Variants in C10orf67 observed in about 807,000 individuals in gnomAD.
C10orf67 encodes the protein uncharacterized protein C10orf67, mitochondrial.
C10orf67 carries 60 observed loss-of-function variants against 35.6 expected under a neutral mutation model. That is an observed-to-expected ratio of 1.68 (90% CI 1.37 to 2.09). The LOEUF is 2.09. Ranked by LOEUF, C10orf67 falls within the 30% of genes most tolerant of loss-of-function variation. The pLI, the probability that C10orf67 is intolerant of heterozygous loss-of-function variation, is 0.00. For synonymous variants in C10orf67, 167 were observed against 115.8 expected, an observed-to-expected ratio of 1.44 and a Z score of -2.84; for missense variants, 474 against 330.2, an observed-to-expected ratio of 1.44 and a Z score of -3.38.
At chr10:23,287,415 C>T (rs1453227575) in intron 7 of C10orf67, among the ~76,000 whole-genome samples, 1 of 152,198 alleles carries the variant, frequency 6.6e-6, no homozygotes, top group Non-Finnish European at 1.5e-5. Flanking sequence ...GGAAAACTGG[C>T]TAGCCATATG....
intron 13 of C10orf67, among the ~76,000 whole-genome samples, chr10:23,225,766 A>G (rs149992694): frequency 9.9e-4 from 151 of 152,298 alleles, no homozygotes; most frequent in African/African-American, 3.5e-3. Context: ...TTCAAAAAAG[A>G]CAAAGCAGGC....
At position 23,223,807 on chromosome 10, in the gene C10orf67, G is replaced by T. The variant is rs916542929; in HGVS notation, c.1446C>A (p.Pro482=). Residue 482 remains proline (P), a synonymous_variant, in exon 14 of 16, where the codon CCC becomes CCA. Coordinates refer to ENST00000636213, the MANE Select transcript of C10orf67 (RefSeq NM_001371909.1). ...TGGTCGTTCTAGACTGCACTAATAAGGGTTTTACTTTCTGAAAGACACAAA... is the reference window on the plus strand; with the variant it reads ...TGGTCGTTCTAGACTGCACTAATAATGGTTTTACTTTCTGAAAGACACAAA... ...DTSFNYIKVK[P]LLVQSRTTMT... 7.0e-6 allele frequency: 5 copies of T among 715,164 alleles called. No homozygotes were observed. Among genetic ancestry groups the T allele is most frequent in the Non-Finnish European group, 7.8e-6 (3 of 384,894 alleles). The allele number at this position is 715,164 out of a possible 1,614,324, so 44.3% of individuals were successfully genotyped here.
chr10:23,287,671 C>T (rs529283081), intron 7 of C10orf67, among the ~76,000 whole-genome samples: 3 of 152,168 alleles, frequency 2.0e-5, no homozygotes, highest in Non-Finnish European at 4.4e-5. Context: ...AAACTATCAT[C>T]AGAGTGAACA....
chr10:23,299,911 G>T (rs1844015522), intron 5 of C10orf67, among the ~76,000 whole-genome samples: 1 of 151,810 alleles, frequency 6.6e-6, no homozygotes. Flanking sequence ...CCAGGATGTG[G>T]AGCTTGCAGT....
At chr10:23,230,654 G>T (rs1262248864) in intron 13 of C10orf67, among the ~76,000 whole-genome samples, 1 of 152,078 alleles carries the variant, frequency 6.6e-6, no homozygotes, top group Admixed American at 6.6e-5. Flanking sequence ...GAAACCTGCA[G>T]TACCTAAAAG....
At chr10:23,277,144 C>T (rs969562346) in intron 8 of C10orf67, among the ~76,000 whole-genome samples, 2 of 152,112 alleles carry the variant, frequency 1.3e-5, no homozygotes, top group African/African-American at 4.8e-5. Flanking sequence ...CTCATGGTCT[C>T]ACAAGTGGAC....
At position 23,303,412 on chromosome 10, in the gene C10orf67, A is replaced by C. The variant is rs761376626; in HGVS notation, c.594T>G (p.Ser198Arg). Residue 198 changes from serine to arginine, a missense_variant, in exon 5 of 16, where the codon AGT becomes AGG. Physicochemically the swap from Ser to Arg is moderately radical, Grantham distance 110. Transcript: ENST00000636213. ...EEENVSLQDA[S>R]TVKTNILLRK... ...TTAACAAAATATTTGTTTTGACAGT[A>C]CTCGCATCTTGCAAAGAAACATTCT... The C allele has an allele frequency of 1.6e-6, 1 of 618,906 alleles. No individual in the cohort carries two copies. Among genetic ancestry groups the C allele is most frequent in the African/African-American group, 1.9e-5 (1 of 53,080 alleles). 38.3% of individuals were successfully genotyped at this position (618,906 alleles called of 1,614,324 possible). A position where few individuals can be genotyped will look rare whatever the true frequency, so the allele number is the denominator to read the frequency against.
intron 9 of C10orf67, 86 bp from the exon 10 acceptor site, chr10:23,266,512 G>A (rs1242430621): frequency 5.0e-6 from 2 of 397,282 alleles, no homozygotes; most frequent in Non-Finnish European, 8.9e-6. Context: ...CCCCTCCCCT[G>A]AGCTGGAATT....
chr10:23,273,203 G>A (rs1411855620), intron 8 of C10orf67, among the ~76,000 whole-genome samples: 3 of 152,120 alleles, frequency 2.0e-5, no homozygotes, highest in African/African-American at 7.2e-5. Context: ...CACTGGTTAG[G>A]ACCTAAAATA....
At chr10:23,206,683 C>T (rs908536911) in intron 15 of C10orf67, among the ~76,000 whole-genome samples, 19 of 152,128 alleles carry the variant, frequency 1.2e-4, no homozygotes, top group Admixed American at 1.2e-3. Flanking sequence ...CTTTGCAGTG[C>T]AGCATATGGG....
intron 6 of C10orf67, 87 bp downstream of exon 6, chr10:23,291,045 G>A (rs1011125532): frequency 6.5e-6 from 4 of 612,724 alleles, no homozygotes; most frequent in African/African-American, 3.7e-5. Context: ...CCAAACGAAT[G>A]TATGTTTGGA....
chr10:23,228,290 T>A (rs1343886378), intron 13 of C10orf67, among the ~76,000 whole-genome samples: 1 of 151,854 alleles, frequency 6.6e-6, no homozygotes, highest in Non-Finnish European at 1.5e-5. Flanking sequence ...ATACCACACA[T>A]CTACAACCAT....
intron 5 of C10orf67, among the ~76,000 whole-genome samples, chr10:23,298,218 G>A (rs968307529): frequency 7.2e-5 from 11 of 152,034 alleles, no homozygotes; most frequent in Non-Finnish European, 1.0e-4. Context: ...TGGCACCACT[G>A]CACTCCAGCC....
At chr10:23,210,705 G>A (rs773173247) in intron 15 of C10orf67, among the ~76,000 whole-genome samples, 1 of 152,132 alleles carries the variant, frequency 6.6e-6, no homozygotes, top group Non-Finnish European at 1.5e-5. Flanking sequence ...TTACAGGTGT[G>A]AGCCACCATG....
At chr10:23,221,101 T>G (rs1029865664) in intron 15 of C10orf67, among the ~76,000 whole-genome samples, 1 of 152,150 alleles carries the variant, frequency 6.6e-6, no homozygotes, top group East Asian at 1.9e-4. Flanking sequence ...GGCTAATTCA[T>G]GGAGAAAAGA....
intron 4 of C10orf67, among the ~76,000 whole-genome samples, chr10:23,319,911 AGCAGTGGGGAGAATGT>A (rs1588691001): frequency 1.3e-5 from 2 of 152,238 alleles, no homozygotes; most frequent in East Asian, 3.8e-4. Flanking sequence ...GTCAGTAAAA[AGCAGTGGGGAGAATGT>A]GCAGTGGAGA....
intron 13 of C10orf67, among the ~76,000 whole-genome samples, chr10:23,236,098 A>T (rs1185418731): frequency 1.3e-5 from 2 of 151,912 alleles, no homozygotes; most frequent in Admixed American, 6.6e-5. Flanking sequence ...AATACAAAAA[A>T]ATTAGCCGGG....
chr10:23,248,359 A>G (rs1842368285), intron 12 of C10orf67, among the ~76,000 whole-genome samples: 2 of 152,224 alleles, frequency 1.3e-5, no homozygotes, highest in South Asian at 4.1e-4. Context: ...AGGCAGTCGC[A>G]TCAGGCTTGG....
At chr10:23,204,502 G>A (rs1384059109) in intron 15 of C10orf67, among the ~76,000 whole-genome samples, 1 of 152,124 alleles carries the variant, frequency 6.6e-6, no homozygotes, top group Non-Finnish European at 1.5e-5. Context: ...GACAGTCTGG[G>A]GCTCTCCGGC....
Sources: allele counts gnomAD v4.1 joint callset (sites outside exome capture counted in the v4.1 genomes callset), GRCh38; gene constraint gnomAD v4.1.1; transcripts MANE v1.5; gene names NCBI Gene and HGNC (gene_info 2026-07-23, HGNC 2026-07-21).